Variants in DNAH14 observed in about 807,000 individuals in gnomAD.
DNAH14 encodes the protein axonemal beta dynein heavy chain 14.
DNAH14 carries 478 observed loss-of-function variants against 520.9 expected under a neutral mutation model. The observed-to-expected ratio is 0.92, with a 90% CI of 0.85 to 0.99. DNAH14 has a LOEUF of 0.99. Ranked by LOEUF, DNAH14 falls within the 50% of genes least tolerant of loss-of-function variation. The probability of loss-of-function intolerance (pLI) is 0.00; values close to 1 mark genes in which losing one functional copy is unlikely to be tolerated. For synonymous variants in DNAH14, 1,581 were observed against 1,757.2 expected (o/e 0.90, Z 2.51); for missense variants, 4,831 against 5,234.5 (o/e 0.92, Z 2.38).
intron 43 of DNAH14, 71 bp downstream of exon 43, chr1:225,240,893 A>C (rs1025056729): frequency 9.1e-7 from 1 of 1,103,486 alleles, no homozygotes; most frequent in African/African-American, 1.6e-5. Flanking sequence ...CTTGGCTTAT[A>C]ATGATTAGGT....
chr1:224,960,378 A>T, intron 4 of DNAH14, 76 bp downstream of exon 4: 1 of 1,369,380 alleles, frequency 7.3e-7, no homozygotes, highest in Non-Finnish European at 9.6e-7. Flanking sequence ...GTGTGCTTAT[A>T]TTGGACACTG....
chr1:225,211,145 G>C (rs766698983), intron 41 of DNAH14, among the ~76,000 whole-genome samples: 5 of 152,186 alleles, frequency 3.3e-5, no homozygotes. Flanking sequence ...AAACTGAATG[G>C]AGAATGAGTT....
chr1:225,397,215 G>A (rs1209995156), intron 84 of DNAH14: 1 of 152,142 alleles, frequency 6.6e-6, no homozygotes, highest in Non-Finnish European at 1.5e-5. Flanking sequence ...CTGACCTCGT[G>A]ATCCGCCCGC....
intron 1 of DNAH14, among the ~76,000 whole-genome samples, chr1:224,942,567 A>C: frequency 6.6e-6 from 1 of 152,236 alleles, no homozygotes; most frequent in East Asian, 1.9e-4. Context: ...GAGAGAGGGC[A>C]TCCCTGTCTT....
At chr1:224,973,301 CT>C (rs1468582927) in intron 7 of DNAH14, among the ~76,000 whole-genome samples, 3 of 139,988 alleles carry the variant, frequency 2.1e-5, no homozygotes, top group Non-Finnish European at 4.5e-5. Flanking sequence ...AGACACACCC[CT>C]ATCCCCACTA....
chr1:225,043,980 ATAAG>A lies in DNAH14; in HGVS notation c.1912+3_1912+6del, dbSNP rs762385096. On this transcript the variant is annotated splice_donor_variant and coding_sequence_variant, in exon 15 of 86. Transcript: ENST00000682510. LOFTEE classifies it high-confidence loss of function. ...TATGTTGACTAATATGGAAAAATGT[ATAAG>A]TAAGTGTTTTTAAAGCTTAGTGAAA... 51 of 1,472,342 alleles carry A rather than the reference ATAAG, an allele frequency of 3.5e-5. No homozygotes were observed. The highest frequency in any genetic ancestry group is 4.5e-5 in the Non-Finnish European group (49 of 1,086,698). The allele number at this position is 1,472,342 out of a possible 1,614,324, so 91.2% of individuals were successfully genotyped here.
intron 34 of DNAH14, among the ~76,000 whole-genome samples, chr1:225,155,628 T>C (rs2080955469): frequency 1.3e-5 from 2 of 152,202 alleles, no homozygotes; most frequent in African/African-American, 4.8e-5. Context: ...AAAGTAGTAC[T>C]GCTCTCCATT....
At chr1:225,183,435 G>A (rs549758837) in intron 36 of DNAH14, among the ~76,000 whole-genome samples, 2 of 152,204 alleles carry the variant, frequency 1.3e-5, no homozygotes, top group Admixed American at 1.3e-4. Flanking sequence ...AAAGTTTATA[G>A]CACTGAATGC....
chr1:225,225,452 T>A (rs773727170), intron 41 of DNAH14, among the ~76,000 whole-genome samples: 1 of 152,144 alleles, frequency 6.6e-6, no homozygotes, highest in Non-Finnish European at 1.5e-5. Context: ...TTATGCCAGC[T>A]CACAATTTCA....
intron 66 of DNAH14, among the ~76,000 whole-genome samples, chr1:225,336,938 T>G (rs113610864): frequency 0.039 from 5,976 of 152,310 alleles, 174 homozygotes; most frequent in Middle Eastern, 0.075. Flanking sequence ...ATATTCTATT[T>G]GTATAATTCT....
intron 4 of DNAH14, among the ~76,000 whole-genome samples, 180 bp downstream of exon 4, chr1:224,960,482 T>C (rs1363660703): frequency 6.6e-6 from 1 of 152,106 alleles, no homozygotes; most frequent in Admixed American, 6.6e-5. Flanking sequence ...ATCTAAAATA[T>C]TATGTTGAAA....
chr1:225,272,120 GCTCT>G (rs759108145), intron 51 of DNAH14, 47 bp downstream of exon 51: 4 of 1,494,778 alleles, frequency 2.7e-6, no homozygotes, highest in African/African-American at 1.4e-5. Context: ...AATATAAGTT[GCTCT>G]CTCTCATACT....
intron 42 of DNAH14, among the ~76,000 whole-genome samples, chr1:225,234,433 C>T (rs546701068): frequency 6.6e-6 from 1 of 152,272 alleles, no homozygotes; most frequent in South Asian, 2.1e-4. Flanking sequence ...CATGATCCGC[C>T]CACCTCAGCC....
intron 60 of DNAH14, among the ~76,000 whole-genome samples, chr1:225,316,606 G>T (rs567412899): frequency 1.9e-4 from 29 of 152,286 alleles, no homozygotes; most frequent in Non-Finnish European, 3.5e-4. Context: ...CTACTGGAGG[G>T]AGTTCCCTGA....
At chr1:225,209,334 T>C (rs1483378957) in intron 41 of DNAH14, among the ~76,000 whole-genome samples, 1 of 152,166 alleles carries the variant, frequency 6.6e-6, no homozygotes, top group Admixed American at 6.5e-5. Context: ...TTACCTTCAG[T>C]GCACCACAGA....
At chr1:225,125,315 A>G (rs1308903562) in intron 27 of DNAH14, among the ~76,000 whole-genome samples, 4 of 152,210 alleles carry the variant, frequency 2.6e-5, no homozygotes, top group East Asian at 1.9e-4. Context: ...TCCAACTACA[A>G]AAGTCTTGGA....
intron 51 of DNAH14, 62 bp downstream of exon 51, chr1:225,272,135 G>C: frequency 7.1e-7 from 1 of 1,415,430 alleles, no homozygotes. Flanking sequence ...CTCTCATACT[G>C]TCAACATTAG....
chr1:225,048,743 G>C (rs2449279), intron 15 of DNAH14, among the ~76,000 whole-genome samples: 8,389 of 152,090 alleles, frequency 0.055, 477 homozygotes, highest in East Asian at 0.24. Context: ...GATTGATGGG[G>C]CATATGGTAG....
chr1:225,346,122 C>G lies in DNAH14; in HGVS notation c.10839C>G (p.Leu3613=). 6.4e-7 allele frequency: 1 copy of G among 1,551,714 alleles called. No individual in the cohort carries two copies. Among genetic ancestry groups the G allele is most frequent in the Non-Finnish European group, 8.7e-7 (1 of 1,146,982 alleles). ...YLPIATRGAL[L]YFLVADLTQI... ...CCATTGCGACCCGAGGCGCCCTGCT[C>G]TACTTCCTAGTAGCTGATCTCACAC... The change falls in exon 70 of 86, where the codon CTC becomes CTG. Residue 3613 remains leucine, a synonymous_variant. Transcript: ENST00000682510.
Sources: allele counts gnomAD v4.1 joint callset (sites outside exome capture counted in the v4.1 genomes callset), GRCh38; gene constraint gnomAD v4.1.1; transcripts MANE v1.5; gene names NCBI Gene and HGNC (gene_info 2026-07-23, HGNC 2026-07-21).